Variants in BAG4 observed in about 807,000 individuals in gnomAD.
BAG4 encodes BAG cochaperone 4.
A neutral mutation model predicts 52.1 loss-of-function variants in BAG4; 28 were observed. The ratio of observed to expected loss-of-function variants is 0.54; its 90% confidence interval spans 0.40 to 0.74. The LOEUF is 0.74. BAG4 is among the 30% of genes least tolerant of loss of function. BAG4 has a pLI of 0.00. For missense variants in BAG4, 525 were observed against 572.0 expected (o/e 0.92, Z 0.84); for synonymous variants, 208 against 217.0 (o/e 0.96, Z 0.37).
Position 38,210,294 on chromosome 8 carries a change from A to G in BAG4, c.1175A>G (p.Tyr392Cys). The part of the protein sequence containing the change: ...KIIHVLEKVQ[Y>C]LEQEVEEFVG... The stretch of plus-strand genomic sequence containing the variant: ...ATACATGTGCTGGAGAAGGTCCAGT[A>G]TCTTGAACAAGAAGTAGAAGAATTT... Residue 392 changes from tyrosine (Y) to cysteine (C), a missense_variant, in exon 5 of 5, where the codon TAT (tyrosine) becomes TGT (cysteine). Physicochemically the swap from Tyr to Cys is radical, Grantham distance 194 (BLOSUM62 -2). Coordinates refer to ENST00000287322, the MANE Select transcript of BAG4 (RefSeq NM_004874.4). The G allele has an allele frequency of 6.2e-7, 1 of 1,614,216 alleles. No homozygotes were observed. Among genetic ancestry groups the G allele is most frequent in the Non-Finnish European group, 8.5e-7 (1 of 1,180,040 alleles).
Position 38,210,271 on chromosome 8 carries a change from A to G in BAG4, c.1152A>G (p.Ile384Met), listed in dbSNP as rs777018543. 1.2e-6 allele frequency: 2 copies of G among 1,614,066 alleles called. No homozygotes were observed. The highest frequency in any genetic ancestry group is 8.5e-7 in the Non-Finnish European group (1 of 1,180,040). Residue 384 changes from isoleucine to methionine, a missense_variant, in exon 5 of 5, where the codon ATA becomes ATG. Physicochemically the swap from Ile to Met is conservative, Grantham distance 10. Around this residue, in one of 2 missense-constraint regions of BAG4, gnomAD observed 238 missense variants for 305.8 expected, o/e 0.78. Transcript: ENST00000287322. ...CTCCTCCGAGTATTAAAAAAATCAT[A>G]CATGTGCTGGAGAAGGTCCAGTATC... ...ESTPPSIKKI[I>M]HVLEKVQYLE...
chr8:38,196,376 G>C (rs776011776), intron 2 of BAG4, among the ~76,000 whole-genome samples: 1 of 152,004 alleles, frequency 6.6e-6, no homozygotes, highest in Non-Finnish European at 1.5e-5. Context: ...ATTATAGGCC[G>C]GGCGCGGTGG....
intron 1 of BAG4, among the ~76,000 whole-genome samples, chr8:38,189,813 TTTG>T (rs145500897): frequency 3.2e-4 from 49 of 151,908 alleles, no homozygotes; most frequent in African/African-American, 1.0e-3. Flanking sequence ...TAAATTACGT[TTTG>T]TTGTTGTTGT....
chr8:38,210,027 G>A lies in BAG4; in HGVS notation c.908G>A (p.Ser303Asn). 1 of 1,614,094 alleles carries A rather than the reference G, an allele frequency of 6.2e-7. No homozygotes were observed. Among genetic ancestry groups the A allele is most frequent in the Non-Finnish European group, 8.5e-7 (1 of 1,180,014 alleles). Residue 303 changes from serine (S) to asparagine (N), a missense_variant, in exon 5 of 5, where the codon AGC becomes AAC. Around this residue, in one of 2 missense-constraint regions of BAG4, gnomAD observed 238 missense variants for 305.8 expected, o/e 0.78. Coordinates refer to ENST00000287322, the MANE Select transcript of BAG4 (RefSeq NM_004874.4). ...QQPKDSSYPY[S>N]QSDQSMNRHN... is the part of the protein sequence containing the mutation. ...TCCAAGGATTCTTCATACCCCTATA[G>A]CCAATCAGATCAAAGCATGAACCGG...
intron 1 of BAG4, 68 bp downstream of exon 1, chr8:38,177,207 G>A: frequency 1.3e-6 from 2 of 1,582,064 alleles, no homozygotes; most frequent in Non-Finnish European, 8.5e-7. Flanking sequence ...GTAAAGGATC[G>A]GGTTTCATAC....
At chr8:38,182,012 A>C (rs1278890300) in intron 1 of BAG4, among the ~76,000 whole-genome samples, 1 of 151,544 alleles carries the variant, frequency 6.6e-6, no homozygotes, top group Admixed American at 6.6e-5. Context: ...ATTGACAGCT[A>C]TTGGTCTCCT....
At chr8:38,205,155 TGTGTA>T (rs1239875900) in intron 2 of BAG4, among the ~76,000 whole-genome samples, 2 of 151,238 alleles carry the variant, frequency 1.3e-5, no homozygotes, top group South Asian at 4.2e-4. Flanking sequence ...CTCAGCCTCC[TGTGTA>T]GCTAAGGACT....
chr8:38,196,392 G>A (rs749750042), intron 2 of BAG4, among the ~76,000 whole-genome samples: 3 of 151,684 alleles, frequency 2.0e-5, no homozygotes, highest in East Asian at 1.9e-4. Context: ...GGTGGCTCAC[G>A]CCTGTAATCC....
At chr8:38,199,965 T>C (rs1168303109) in intron 2 of BAG4, among the ~76,000 whole-genome samples, 2 of 152,088 alleles carry the variant, frequency 1.3e-5, no homozygotes, top group Non-Finnish European at 2.9e-5. Flanking sequence ...CAGTATCATC[T>C]GTTGAAAGAC....
rs1803852758 is a variant in BAG4, at chr8:38,210,637, G to A, written c.*144G>A. The A allele has an allele frequency of 9.2e-7, 1 of 1,083,414 alleles. No individual in the cohort carries two copies. Among genetic ancestry groups the A allele is most frequent in the South Asian group, 2.0e-5 (1 of 49,018 alleles). The allele number at this position is 1,083,414 out of a possible 1,614,324, so 67.1% of individuals were successfully genotyped here. A position where few individuals can be genotyped will look rare whatever the true frequency, so the allele number is the denominator to read the frequency against. On this transcript the variant is annotated 3_prime_UTR_variant, in exon 5 of 5. Transcript: ENST00000287322. The stretch of plus-strand genomic sequence containing the variant: ...CTTTGATTTTATACTTGAAAAACTG[G>A]CAAAGGAATGGAAGAATATTTTAGT...
intron 1 of BAG4, among the ~76,000 whole-genome samples, chr8:38,184,655 A>G (rs1803333121): frequency 6.6e-6 from 1 of 152,168 alleles, no homozygotes; most frequent in Admixed American, 6.5e-5. Flanking sequence ...ACACTGACAG[A>G]AACAGCAGAC....
chr8:38,183,943 C>T (rs971039099), intron 1 of BAG4, among the ~76,000 whole-genome samples: 2 of 152,218 alleles, frequency 1.3e-5, no homozygotes, highest in South Asian at 4.1e-4. Flanking sequence ...TTGTATTTTT[C>T]TCCCAAGTGG....
chr8:38,197,803 G>T (rs1022716649), intron 2 of BAG4, among the ~76,000 whole-genome samples: 7 of 152,082 alleles, frequency 4.6e-5, no homozygotes, highest in Non-Finnish European at 1.5e-5. Context: ...GGGTTCAAGC[G>T]ATCCTGCCAC....
chr8:38,176,927 T>C lies in BAG4; in HGVS notation c.58T>C (p.Tyr20His), dbSNP rs1803165616. The C allele has an allele frequency of 6.4e-7, 1 of 1,551,768 alleles. No individual in the cohort carries two copies. The highest frequency in any genetic ancestry group is 8.7e-7 in the Non-Finnish European group (1 of 1,147,998). Residue 20 changes from tyrosine (Y) to histidine (H), a missense_variant, in exon 1 of 5, where the codon TAC becomes CAC. Coordinates refer to ENST00000287322, the MANE Select transcript of BAG4 (RefSeq NM_004874.4). ...CAGTGACGGTCCGTCCTACGGCCGCTACTACGGGCCTGGGGGTGGAGATGT... is the reference window on the plus strand; with the variant it reads ...CAGTGACGGTCCGTCCTACGGCCGCCACTACGGGCCTGGGGGTGGAGATGT... Reference protein sequence around the residue: ...GPSDGPSYGRYYGPGGGDVPV... With the variant: ...GPSDGPSYGRHYGPGGGDVPV...
intron 1 of BAG4, among the ~76,000 whole-genome samples, chr8:38,188,644 CATGTATACATATATACATGTATACATATA>C (rs1229456427): frequency 0.017 from 3 of 176 alleles, no homozygotes; most frequent in African/African-American, 0.028. Context: ...TACATATATA[CATGTATACATATATACATGTATACATATA>C]CATGTATACA....
intron 2 of BAG4, among the ~76,000 whole-genome samples, chr8:38,200,582 G>A (rs976408248): frequency 5.9e-5 from 9 of 152,004 alleles, no homozygotes; most frequent in African/African-American, 2.2e-4. Flanking sequence ...TGTAAAAAAG[G>A]CAGCTGAGAT....
At position 38,176,905 on chromosome 8, in the gene BAG4, T is replaced by A. The variant is rs1410566693; in HGVS notation, c.36T>A (p.Ser12Arg). 6.5e-7 allele frequency: 1 copy of A among 1,547,676 alleles called. No homozygotes were observed. The highest frequency in any genetic ancestry group is 1.4e-5 in the African/African-American group (1 of 73,110). Residue 12 changes from serine to arginine, a missense_variant, in exon 1 of 5, where the codon AGT (serine) becomes AGA (arginine). Coordinates refer to ENST00000287322, the MANE Select transcript of BAG4 (RefSeq NM_004874.4). ...TGAGGCGCTCGGGCTACGGCCCCAG[T>A]GACGGTCCGTCCTACGGCCGCTACT... is the stretch of plus-strand genomic sequence containing the variant. ...SALRRSGYGP[S>R]DGPSYGRYYG...
At chr8:38,177,966 GATGTAAAATGGTGGA>G (rs1165294970) in intron 1 of BAG4, among the ~76,000 whole-genome samples, 1 of 152,026 alleles carries the variant, frequency 6.6e-6, no homozygotes, top group Admixed American at 6.6e-5. Flanking sequence ...TGCTGGTGGG[GATGTAAAATGGTGGA>G]AAATAGTTTG....
intron 2 of BAG4, chr8:38,201,834 TTATATATATATATATATATATATATA>T (rs1161588689): frequency 4.4e-5 from 2 of 45,140 alleles, no homozygotes; most frequent in African/African-American, 2.0e-4. Context: ...AGTGTGGAAT[TTATATATATATATATATATATATATA>T]TATATATATA....
Sources: gnomAD v4.1 joint callset for allele counts (sites outside exome capture counted in the v4.1 genomes callset) on GRCh38, gnomAD v4.1.1 for gene constraint, gnomAD v4.1.1 regional missense constraint, MANE v1.5 for transcripts, NCBI Gene and HGNC (gene_info 2026-07-23, HGNC 2026-07-21) for gene names.